Variants in PRKN observed in about 807,000 individuals in gnomAD.
The protein encoded by PRKN is parkin RBR E3 ubiquitin protein ligase.
Under a neutral mutation model 59.5 loss-of-function variants are expected in PRKN, and 56 were observed. That is an observed-to-expected ratio of 0.94 (90% confidence interval 0.76 to 1.18). PRKN has a LOEUF of 1.18. Among genes scored for constraint, PRKN ranks in the 50% most tolerant of loss-of-function variants. PRKN has a pLI of 0.00. For missense variants in PRKN, 657 were observed against 596.4 expected, an observed-to-expected ratio of 1.10 and a Z score of -1.06; for synonymous variants, 250 against 222.1, an observed-to-expected ratio of 1.13 and a Z score of -1.12.
intron 9 of PRKN, among the ~76,000 whole-genome samples, chr6:161,406,281 A>T (rs867442767): frequency 6.6e-6 from 1 of 151,926 alleles, no homozygotes; most frequent in South Asian, 2.1e-4. Flanking sequence ...CCCACTTAGC[A>T]TCTACTTTTC....
chr6:161,986,770 C>T (rs1262542664), intron 5 of PRKN, among the ~76,000 whole-genome samples: 2 of 130,960 alleles, frequency 1.5e-5, no homozygotes, highest in Non-Finnish European at 3.3e-5. Flanking sequence ...CTCCCTGGAC[C>T]AAGTGAGAGC....
chr6:161,725,075 G>A (rs192482720), intron 7 of PRKN, among the ~76,000 whole-genome samples: 15 of 152,268 alleles, frequency 9.9e-5, no homozygotes, highest in East Asian at 9.7e-4. Context: ...TGAGGCCTCC[G>A]TAGGAGCCTA....
intron 2 of PRKN, among the ~76,000 whole-genome samples, chr6:162,395,745 T>G (rs868376717): frequency 2.6e-5 from 4 of 152,058 alleles, no homozygotes; most frequent in African/African-American, 9.7e-5. Context: ...CACCTGGGGT[T>G]GTTGTGTGGT....
intron 7 of PRKN, among the ~76,000 whole-genome samples, chr6:161,781,165 C>T (rs1790189304): frequency 6.6e-6 from 1 of 151,984 alleles, no homozygotes; most frequent in Non-Finnish European, 1.5e-5. Flanking sequence ...TTTAAAATAG[C>T]AAAACACACA....
intron 4 of PRKN, among the ~76,000 whole-genome samples, chr6:162,166,507 G>A (rs891152990): frequency 1.3e-5 from 2 of 152,062 alleles, no homozygotes; most frequent in African/African-American, 2.4e-5. Flanking sequence ...ACATTCCACC[G>A]GATATAAAAT....
chr6:162,656,617 T>C (rs1418173704), intron 1 of PRKN, among the ~76,000 whole-genome samples: 1 of 152,204 alleles, frequency 6.6e-6, no homozygotes, highest in Non-Finnish European at 1.5e-5. Flanking sequence ...AATTACCTCC[T>C]ACCATTCTTT....
At chr6:161,871,356 T>C (rs1794334940) in intron 6 of PRKN, among the ~76,000 whole-genome samples, 1 of 152,102 alleles carries the variant, frequency 6.6e-6, no homozygotes, top group South Asian at 2.1e-4. Context: ...GAAAGAGCCC[T>C]ACTTTGTATT....
In PRKN at chr6:161,680,744, TATATATATATATATATATATATATA is replaced by T. The variant is rs1300068877; in HGVS notation, c.871+105003_871+105027del. Among the ~76,000 whole-genome samples, 32 of 8,262 alleles carry T rather than the reference TATATATATATATATATATATATATA, an allele frequency of 3.9e-3. 1 individual carries two copies. Among genetic ancestry groups the T allele is most frequent in the South Asian group, 0.02 (3 of 150 alleles). 5.4% of individuals were successfully genotyped at this position (8,262 alleles called of 152,430 possible). A position where few individuals can be genotyped will look rare whatever the true frequency, so the allele number is the denominator to read the frequency against. On this transcript the variant is annotated intron_variant, in intron 7 of 11. Transcript: ENST00000366898. The stretch of plus-strand genomic sequence containing the variant: ...TGAAATACATATATATATATATATA[TATATATATATATATATATATATATA>T]TATATATTTTTTTTTTTTTTTCTTT...
rs1270137043 is a variant in PRKN, at chr6:161,377,795, T to C, written c.1167+8999A>G. 6.6e-6 allele frequency among the ~76,000 whole-genome samples: 1 copy of C among 152,156 alleles called. No individual in the cohort carries two copies. The highest frequency in any genetic ancestry group is 6.5e-5 in the Admixed American group (1 of 15,286). ...CCCCAGAGAGCTGTCTTGCCCCTTC[T>C]ACCATGTGAGGGTATAGCTAGAAGA... On this transcript the variant is annotated intron_variant, in intron 10 of 11. Coordinates refer to ENST00000366898, the MANE Select transcript of PRKN (RefSeq NM_004562.3). The surrounding 1 kb of genome is among the most constrained non-coding windows in gnomAD (Gnocchi z 4.2).
At chr6:161,801,657 G>C (rs1791084538) in intron 6 of PRKN, among the ~76,000 whole-genome samples, 1 of 152,152 alleles carries the variant, frequency 6.6e-6, no homozygotes, top group Admixed American at 6.5e-5. Flanking sequence ...GAAAATAATC[G>C]AACGGGCCTT....
At chr6:162,194,026 T>C (rs1784394451) in intron 4 of PRKN, among the ~76,000 whole-genome samples, 1 of 152,198 alleles carries the variant, frequency 6.6e-6, no homozygotes, top group African/African-American at 2.4e-5. Flanking sequence ...AGAAAATGAT[T>C]TGGAAAATGT....
At chr6:161,902,552 A>ATCTATTTTTTT (rs1343265664) in intron 6 of PRKN, among the ~76,000 whole-genome samples, 2 of 121,052 alleles carry the variant, frequency 1.7e-5, no homozygotes, top group Admixed American at 8.4e-5. Context: ...CTATCTATTT[A>ATCTATTTTTTT]TTTATTTATT....
At chr6:162,095,133 G>A (rs1308195321) in intron 4 of PRKN, among the ~76,000 whole-genome samples, 1 of 152,104 alleles carries the variant, frequency 6.6e-6, no homozygotes, top group South Asian at 2.1e-4. Flanking sequence ...TCGACAAGGT[G>A]GCTTTAGAAT....
intron 2 of PRKN, among the ~76,000 whole-genome samples, chr6:162,368,481 G>T (rs1453496362): frequency 6.6e-6 from 1 of 151,988 alleles, no homozygotes; most frequent in Non-Finnish European, 1.5e-5. Flanking sequence ...TGAAGACATG[G>T]AAGGTCATCC....
intron 7 of PRKN, among the ~76,000 whole-genome samples, chr6:161,765,721 T>C (rs1426197179): frequency 6.6e-6 from 1 of 152,172 alleles, no homozygotes; most frequent in Non-Finnish European, 1.5e-5. Context: ...ATTGTGATGA[T>C]GATGGTGGCA....
At chr6:162,488,331 T>C (rs1297682892) in intron 1 of PRKN, among the ~76,000 whole-genome samples, 2 of 152,182 alleles carry the variant, frequency 1.3e-5, no homozygotes, top group Non-Finnish European at 1.5e-5. Context: ...TTTCCATTTT[T>C]ACTCATGTAT....
intron 7 of PRKN, among the ~76,000 whole-genome samples, chr6:161,681,049 C>T (rs113406471): frequency 0.026 from 3,975 of 152,102 alleles, 155 homozygotes; most frequent in African/African-American, 0.086. Flanking sequence ...TAACCTCTAC[C>T]GCCTGGGCTC....
chr6:162,039,027 A>G (rs963472661), intron 5 of PRKN, among the ~76,000 whole-genome samples: 1 of 151,986 alleles, frequency 6.6e-6, no homozygotes, highest in Non-Finnish European at 1.5e-5. Context: ...GTGGTGGCGG[A>G]CGCCTGTAGT....
intron 2 of PRKN, among the ~76,000 whole-genome samples, chr6:162,415,060 C>T (rs1788559325): frequency 6.6e-6 from 1 of 152,106 alleles, no homozygotes; most frequent in South Asian, 2.1e-4. Context: ...AACACCTCTT[C>T]AAAAACAATA....
Sources: gnomAD v4.1 joint callset for allele counts (sites outside exome capture counted in the v4.1 genomes callset) on GRCh38, gnomAD v4.1.1 for gene constraint, Gnocchi (gnomAD v3.1) non-coding constraint, MANE v1.5 for transcripts, NCBI Gene and HGNC (gene_info 2026-07-23, HGNC 2026-07-21) for gene names.